CDK14: variants seen among roughly 807,000 people sequenced by gnomAD.
The protein encoded by CDK14 is cyclin-dependent kinase 14.
A neutral mutation model predicts 60.7 loss-of-function variants in CDK14; 34 were observed. The observed-to-expected ratio is 0.56, with a 90% CI of 0.43 to 0.75. The LOEUF (loss-of-function observed/expected upper bound fraction) is 0.75, where lower values mean the gene tolerates loss of function less well. CDK14 is among the 30% of genes least tolerant of loss of function. CDK14 has a pLI of 0.00. For missense variants in CDK14, 482 were observed against 564.1 expected (o/e 0.85, Z 1.47); for synonymous variants, 197 against 203.7 (o/e 0.97, Z 0.28).
intron 14 of CDK14, among the ~76,000 whole-genome samples, chr7:91,147,206 A>T (rs978403182): frequency 5.1e-5 from 7 of 138,212 alleles, no homozygotes; most frequent in East Asian, 4.4e-4. Context: ...ACACACACAC[A>T]CTTCTTCCCA....
At chr7:90,930,091 G>GC (rs776385572) in intron 8 of CDK14, among the ~76,000 whole-genome samples, 9 of 151,880 alleles carry the variant, frequency 5.9e-5, no homozygotes, top group Non-Finnish European at 1.2e-4. Context: ...TATATTAATA[G>GC]CTTGTTTTTT....
intron 2 of CDK14, among the ~76,000 whole-genome samples, chr7:90,627,561 G>A (rs763069866): frequency 7.9e-5 from 12 of 152,106 alleles, no homozygotes; most frequent in Non-Finnish European, 1.6e-4. Context: ...AAAGCATTGC[G>A]TTATACTGGC....
At chr7:90,634,144 T>A (rs1266355573) in intron 2 of CDK14, among the ~76,000 whole-genome samples, 1 of 152,076 alleles carries the variant, frequency 6.6e-6, no homozygotes, top group Non-Finnish European at 1.5e-5. Flanking sequence ...TTTTTTTAAT[T>A]ATTATTATAC....
At chr7:90,667,472 T>G (rs891942655) in intron 2 of CDK14, among the ~76,000 whole-genome samples, 1 of 152,166 alleles carries the variant, frequency 6.6e-6, no homozygotes, top group African/African-American at 2.4e-5. Flanking sequence ...GTTTCTGCAT[T>G]TGGATTTTGC....
chr7:90,811,852 A>G (rs995272391), intron 5 of CDK14, among the ~76,000 whole-genome samples: 1 of 152,258 alleles, frequency 6.6e-6, no homozygotes, highest in Non-Finnish European at 1.5e-5. Flanking sequence ...TACAACCAAA[A>G]GACACATGAA....
intron 14 of CDK14, among the ~76,000 whole-genome samples, chr7:91,203,333 T>C (rs1802786369): frequency 6.6e-6 from 1 of 152,182 alleles, no homozygotes; most frequent in African/African-American, 2.4e-5. Flanking sequence ...CAATTTCCCC[T>C]TTATTCATTC....
chr7:91,091,811 CTCTT>C (rs1798841589), intron 12 of CDK14, among the ~76,000 whole-genome samples: 1 of 149,974 alleles, frequency 6.7e-6, no homozygotes, highest in Non-Finnish European at 1.5e-5. Context: ...TTTTTTTTCT[CTCTT>C]TCATTTCTTT....
intron 7 of CDK14, among the ~76,000 whole-genome samples, chr7:90,904,760 A>G (rs1792638317): frequency 6.6e-6 from 1 of 152,210 alleles, no homozygotes; most frequent in African/African-American, 2.4e-5. Flanking sequence ...ACTGAAAATA[A>G]TGTTCATTAT....
chr7:90,827,693 A>AGAG (rs1363097154), intron 5 of CDK14, among the ~76,000 whole-genome samples: 1 of 152,228 alleles, frequency 6.6e-6, no homozygotes, highest in Non-Finnish European at 1.5e-5. Context: ...AGAATAATCT[A>AGAG]GAGGAGTACC....
intron 10 of CDK14, among the ~76,000 whole-genome samples, chr7:90,984,679 G>A (rs1795326530): frequency 6.6e-6 from 1 of 152,168 alleles, no homozygotes; most frequent in Non-Finnish European, 1.5e-5. Context: ...CAGTTAAACA[G>A]TACTTCCGTC....
chr7:91,091,501 T>TTTTATATATATATATATATATA (rs1369809555), intron 12 of CDK14, among the ~76,000 whole-genome samples: 3 of 88,972 alleles, frequency 3.4e-5, no homozygotes, highest in African/African-American at 1.3e-4. Context: ...TTTATATATT[T>TTTTATATATATATATATATATA]TATATATATA....
chr7:91,151,004 C>T (rs1024166975), intron 14 of CDK14, among the ~76,000 whole-genome samples: 14 of 152,152 alleles, frequency 9.2e-5, no homozygotes, highest in Non-Finnish European at 8.8e-5. Flanking sequence ...GTGAAGAACT[C>T]TGCTGAAGGA....
At chr7:91,122,271 A>T (rs535705015) in intron 14 of CDK14, among the ~76,000 whole-genome samples, 3 of 140,040 alleles carry the variant, frequency 2.1e-5, no homozygotes, top group African/African-American at 8.1e-5. Context: ...TTATGTAGGA[A>T]TTACATGATA....
intron 10 of CDK14, among the ~76,000 whole-genome samples, chr7:91,003,731 G>T (rs1016463732): frequency 2.0e-4 from 31 of 152,216 alleles, no homozygotes; most frequent in African/African-American, 7.5e-4. Context: ...CTGTTACATG[G>T]CCAGAACAAG....
At chr7:90,978,190 C>T (rs745672416) in intron 9 of CDK14, among the ~76,000 whole-genome samples, 1 of 151,978 alleles carries the variant, frequency 6.6e-6, no homozygotes, top group Non-Finnish European at 1.5e-5. Context: ...GACAGTGGAA[C>T]AGCATGGCTG....
chr7:90,788,569 G>A (rs1220255298), intron 4 of CDK14, among the ~76,000 whole-genome samples: 1 of 152,150 alleles, frequency 6.6e-6, no homozygotes, highest in African/African-American at 2.4e-5. Flanking sequence ...GTACGTTGTG[G>A]AGCCTTATAA....
chr7:90,617,141 C>G (rs1349964766), intron 2 of CDK14, among the ~76,000 whole-genome samples: 35 of 151,766 alleles, frequency 2.3e-4, no homozygotes, highest in Non-Finnish European at 1.3e-4. Context: ...AGAGTATGAT[C>G]TCGGTTTTGT....
intron 14 of CDK14, among the ~76,000 whole-genome samples, chr7:91,129,558 T>C (rs1800057435): frequency 6.6e-6 from 1 of 152,186 alleles, no homozygotes; most frequent in African/African-American, 2.4e-5. Context: ...TAACTGCTTT[T>C]TTCCAGGCAT....
In CDK14 at chr7:91,165,121, C is replaced by T. The variant is rs574480607; in HGVS notation, c.*29-42044C>T. Among the ~76,000 whole-genome samples, 120 of 152,270 alleles carry T rather than the reference C, an allele frequency of 7.9e-4. 1 individual carries two copies. The highest frequency in any genetic ancestry group is 5.0e-3 in the South Asian group (24 of 4,820). On this transcript the variant is annotated intron_variant, in intron 14 of 14. Transcript: ENST00000380050. Reference sequence around the variant, plus strand: ...TTCATACAGTCACAACAAAAACCCACGCTCTAATAGTACATTGCAACCAAC... The same window carrying T: ...TTCATACAGTCACAACAAAAACCCATGCTCTAATAGTACATTGCAACCAAC...
Sources: allele counts gnomAD v4.1 joint callset (sites outside exome capture counted in the v4.1 genomes callset), GRCh38; gene constraint gnomAD v4.1.1; transcripts MANE v1.5; gene names NCBI Gene and HGNC (gene_info 2026-07-23, HGNC 2026-07-21).